The following WDR7 variants were observed in gnomAD, a reference collection of about 807,000 sequenced individuals.
WDR7 encodes WD repeat domain 7.
A neutral mutation model predicts 169.4 loss-of-function variants in WDR7; 46 were observed. The ratio of observed to expected loss-of-function variants is 0.27; its 90% CI spans 0.21 to 0.35. The LOEUF is 0.35. Among genes scored for constraint, WDR7 ranks in the 10% least tolerant of loss-of-function variants. The pLI is 1.00. For synonymous variants in WDR7, 612 were observed against 666.8 expected, an observed-to-expected ratio of 0.92 and a Z score of 1.27; for missense variants, 1,534 against 1,859.3, an observed-to-expected ratio of 0.83 and a Z score of 3.22.
At chr18:56,698,438 C>G (rs1418340583) in intron 12 of WDR7, among the ~76,000 whole-genome samples, 1 of 151,728 alleles carries the variant, frequency 6.6e-6, no homozygotes, top group African/African-American at 2.4e-5. Context: ...AACCCCGTCT[C>G]TACTAAAACT....
chr18:56,836,373 C>G (rs1000326956), intron 20 of WDR7, among the ~76,000 whole-genome samples: 1 of 152,204 alleles, frequency 6.6e-6, no homozygotes, highest in Non-Finnish European at 1.5e-5. Flanking sequence ...AGCCCCTGGA[C>G]AGGGCTCCTG....
chr18:56,666,924 G>A (rs767978647), intron 1 of WDR7, among the ~76,000 whole-genome samples: 109 of 148,954 alleles, frequency 7.3e-4, no homozygotes, highest in Non-Finnish European at 1.2e-3. Flanking sequence ...TTACAAAAGC[G>A]TTTCTTTTTT....
chr18:56,845,966 C>T (rs572869310), intron 20 of WDR7, among the ~76,000 whole-genome samples: 76 of 152,216 alleles, frequency 5.0e-4, no homozygotes, highest in South Asian at 4.8e-3. Flanking sequence ...TCAACACTTA[C>T]GCATTTTTAG....
chr18:56,771,544 A>G (rs2044157047), intron 16 of WDR7, among the ~76,000 whole-genome samples: 1 of 151,174 alleles, frequency 6.6e-6, no homozygotes. Flanking sequence ...TGACATGGCA[A>G]AACCCCATCT....
Position 56,682,729 on chromosome 18 carries a change from C to T in WDR7, c.396C>T (p.His132=), listed in dbSNP as rs140122275. 360 of 1,613,824 alleles carry T rather than the reference C, an allele frequency of 2.2e-4. No homozygotes were observed. Among genetic ancestry groups the T allele is most frequent in the Middle Eastern group, 5.0e-4 (3 of 6,060 alleles). Residue 132 remains histidine (H), a synonymous_variant, in exon 5 of 28, where the codon CAC becomes CAT. Coordinates refer to ENST00000254442, the MANE Select transcript of WDR7 (RefSeq NM_015285.3). ...GNQREGRLLC[H]GHYPEILVVD... ...AGCGAGAAGGAAGGCTTTTATGCCA[C>T]GGACATTACCCTGAAATCCTTGTTG...
chr18:56,867,135 CCATCTCAG>C (rs1470607988), intron 20 of WDR7, among the ~76,000 whole-genome samples: 1 of 152,122 alleles, frequency 6.6e-6, no homozygotes, highest in Non-Finnish European at 1.5e-5. Flanking sequence ...AGCGATTCTC[CCATCTCAG>C]CCTCCTGAGC....
At chr18:56,780,917 C>T (rs921039936) in intron 18 of WDR7, among the ~76,000 whole-genome samples, 2 of 152,142 alleles carry the variant, frequency 1.3e-5, no homozygotes, top group Non-Finnish European at 1.5e-5. Context: ...AATTTGTATG[C>T]TACATTGAAA....
intron 19 of WDR7, among the ~76,000 whole-genome samples, chr18:56,802,205 CTAA>C (rs1367526002): frequency 6.6e-6 from 1 of 152,082 alleles, no homozygotes; most frequent in African/African-American, 2.4e-5. Flanking sequence ...TCCTTAATGA[CTAA>C]TAATGTTGAA....
intron 11 of WDR7, among the ~76,000 whole-genome samples, chr18:56,695,522 C>A (rs2025680550): frequency 6.6e-6 from 1 of 151,726 alleles, no homozygotes; most frequent in African/African-American, 2.4e-5. Flanking sequence ...CAGAACAGTA[C>A]CATCCAATAG....
chr18:56,762,283 A>G (rs1024923526), intron 16 of WDR7, among the ~76,000 whole-genome samples: 4 of 151,868 alleles, frequency 2.6e-5, no homozygotes, highest in African/African-American at 9.7e-5. Flanking sequence ...CAGATTATTC[A>G]GGTTACAAAA....
At position 56,696,477 on chromosome 18, in the gene WDR7, A is replaced by G. The variant is rs773133891; in HGVS notation, c.1578+15A>G. The G allele has an allele frequency of 1.9e-6, 3 of 1,590,716 alleles. No homozygotes were observed. Among genetic ancestry groups the G allele is most frequent in the South Asian group, 2.3e-5 (2 of 87,534 alleles). On this transcript the variant is annotated intron_variant, in intron 12 of 27. Coordinates refer to ENST00000254442, the MANE Select transcript of WDR7 (RefSeq NM_015285.3). ...AAAACTGTAGTGTAAGTTGATTTATATAAAAGATTATTTCACTATGGTAGA... is the reference window on the plus strand; with the variant it reads ...AAAACTGTAGTGTAAGTTGATTTATGTAAAAGATTATTTCACTATGGTAGA...
intron 13 of WDR7, among the ~76,000 whole-genome samples, chr18:56,722,865 C>T (rs920464540): frequency 2.6e-5 from 4 of 151,958 alleles, no homozygotes; most frequent in Non-Finnish European, 5.9e-5. Context: ...TTTTCCATAC[C>T]TAGGCTATCT....
At chr18:56,710,148 C>T (rs1490534894) in intron 12 of WDR7, among the ~76,000 whole-genome samples, 2 of 151,646 alleles carry the variant, frequency 1.3e-5, no homozygotes, top group South Asian at 2.1e-4. Context: ...GGACTATAGG[C>T]GCCTGCCAGC....
At chr18:56,980,888 T>C (rs79203757) in intron 26 of WDR7, among the ~76,000 whole-genome samples, 5,700 of 152,242 alleles carry the variant, frequency 0.037, 128 homozygotes, top group Non-Finnish European at 0.053. Context: ...CCCTCGCCAG[T>C]CAGGATGAGG....
At chr18:56,834,372 T>C (rs1266171423) in intron 20 of WDR7, among the ~76,000 whole-genome samples, 1 of 152,152 alleles carries the variant, frequency 6.6e-6, no homozygotes, top group Non-Finnish European at 1.5e-5. Context: ...TGTGACTCAC[T>C]GGGGGTTGGT....
At position 56,876,696 on chromosome 18, in the gene WDR7, T is replaced by TA. The variant is rs1425126393; in HGVS notation, c.3305-3247dup. 3.3e-5 allele frequency among the ~76,000 whole-genome samples: 5 copies of TA among 152,126 alleles called. 1 individual carries two copies. Among genetic ancestry groups the TA allele is most frequent in the Non-Finnish European group, 5.9e-5 (4 of 68,008 alleles). ...AGAAGAGGAAAATGCATGTATTAAA[T>TA]ACGTGACTGGCAATGTTAACCATAA... On this transcript the variant is annotated intron_variant, in intron 20 of 27. Coordinates refer to ENST00000254442, the MANE Select transcript of WDR7 (RefSeq NM_015285.3).
At chr18:56,950,185 C>T (rs1348737424) in intron 25 of WDR7, among the ~76,000 whole-genome samples, 1 of 152,184 alleles carries the variant, frequency 6.6e-6, no homozygotes, top group Non-Finnish European at 1.5e-5. Flanking sequence ...TTTGTGTGTA[C>T]TTTCCACTTT....
At chr18:56,801,418 C>T (rs1198175452) in intron 19 of WDR7, among the ~76,000 whole-genome samples, 2 of 152,178 alleles carry the variant, frequency 1.3e-5, no homozygotes, top group Non-Finnish European at 2.9e-5. Flanking sequence ...TTGTCAGAAT[C>T]TACAGTTCAT....
downstream of WDR7, chr18:57,033,193 T>TA (rs2048451537): frequency 6.6e-6 from 1 of 151,992 alleles, no homozygotes; most frequent in Non-Finnish European, 1.5e-5. Flanking sequence ...CCGGGGCAGG[T>TA]AAAGAGCAAT....
Sources: allele counts gnomAD v4.1 joint callset (sites outside exome capture counted in the v4.1 genomes callset), GRCh38; gene constraint gnomAD v4.1.1; transcripts MANE v1.5; gene names NCBI Gene and HGNC (gene_info 2026-07-23, HGNC 2026-07-21).